The following MBD6 variants were observed in gnomAD, a reference collection of about 807,000 sequenced individuals.
MBD6 encodes methyl-CpG binding domain protein 6, also known as methyl-CpG-binding domain protein 6.
In MBD6, 22 loss-of-function variants were observed where a neutral mutation model predicts 66.8. That is an observed-to-expected ratio of 0.33 (90% CI 0.24 to 0.47). The LOEUF (loss-of-function observed/expected upper bound fraction) is 0.47. MBD6 is among the 20% of genes least tolerant of loss of function. MBD6 has a pLI of 1.00. For synonymous variants in MBD6, 540 were observed against 534.6 expected (o/e 1.01, Z -0.14); for missense variants, 1,322 against 1,286.9 (o/e 1.03, Z -0.42).
intron 8 of MBD6, 59 bp downstream of exon 8, chr12:57,527,719 GGGA>G (rs1879119251): frequency 5.1e-6 from 8 of 1,556,168 alleles, no homozygotes; most frequent in South Asian, 1.2e-5. Context: ...AGTAAAACTT[GGGA>G]GTAGTGGCTG....
rs1879401821 is a variant in MBD6 at position 57,529,440 on chromosome 12, C to G, written c.*206C>G. On this transcript the variant is annotated 3_prime_UTR_variant, in exon 13 of 13. Transcript: ENST00000355673. ...TTCACCCCCCCCCACCACCCCCCCG[C>G]CCCCCCGAAGCCATGTCACTGAAAA... The G allele has an allele frequency of 5.4e-6, 3 of 554,666 alleles. No homozygotes were observed. In the Admixed American group the frequency reaches 9.3e-5, roughly 17 times the overall value. 34.4% of individuals were successfully genotyped at this position (554,666 alleles called of 1,614,324 possible).
chr12:57,522,666 G>A (rs1218557861), upstream of MBD6: 5 of 152,058 alleles, frequency 3.3e-5, no homozygotes, highest in East Asian at 7.8e-4. Context: ...CAGTTGGCTC[G>A]TCGCTGTCCG....
downstream of MBD6, among the ~76,000 whole-genome samples, chr12:57,531,445 A>G (rs142468486): frequency 6.6e-6 from 1 of 152,174 alleles, no homozygotes; most frequent in Non-Finnish European, 1.5e-5. Context: ...TGAGCCCGGG[A>G]GGTGGAGGCT....
chr12:57,528,156 G>A lies in MBD6; in HGVS notation c.2416G>A (p.Glu806Lys). 6.2e-7 allele frequency: 1 copy of A among 1,603,714 alleles called. No individual in the cohort carries two copies. Among genetic ancestry groups the A allele is most frequent in the Non-Finnish European group, 8.5e-7 (1 of 1,176,590 alleles). ...ATTTTTTTGCCAGCAGATCCCTCCA[G>A]AGCAGCCAGAAGCCCCCTGTCTACC... is the stretch of plus-strand genomic sequence containing the variant. ...CLLQSLQIPP[E>K]QPEAPCLPPE... is the part of the protein sequence containing the mutation. The change falls in exon 10 of 13, where the codon GAG (glutamate) becomes AAG (lysine). Residue 806 changes from glutamate to lysine, a missense_variant. Glu to Lys is a moderately conservative substitution (Grantham distance 56). Coordinates refer to ENST00000355673, the MANE Select transcript of MBD6 (RefSeq NM_052897.4).
Position 57,528,738 on chromosome 12 carries a change from T to C in MBD6, c.2873+20T>C, listed in dbSNP as rs1426865372. 3 of 1,614,138 alleles carry C rather than the reference T, an allele frequency of 1.9e-6. No homozygotes were observed. ...ATACAAGTGAGTGTTGGGCCTACTA[T>C]AGTGCTGGCCTTTGCCTACTTCTTT... On this transcript the variant is annotated intron_variant, in intron 11 of 12. Coordinates refer to ENST00000355673, the MANE Select transcript of MBD6 (RefSeq NM_052897.4).
chr12:57,526,142 C>G lies in MBD6; in HGVS notation c.1174C>G (p.Pro392Ala). Residue 392 changes from proline (P) to alanine (A), a missense_variant, in exon 6 of 13, where the codon CCT becomes GCT. Pro to Ala is a conservative substitution (Grantham distance 27). Coordinates refer to ENST00000355673, the MANE Select transcript of MBD6 (RefSeq NM_052897.4). ...CCCTAGACGGAGCCGTCCTCGGGCC[C>G]CTGCTCCTGTCCCCCAACCCTTTTC... ...QTPRRSRPRA[P>A]APVPQPFSLP... 11 of 1,614,194 alleles carry G rather than the reference C, an allele frequency of 6.8e-6. No individual in the cohort carries two copies. Among genetic ancestry groups the G allele is most frequent in the Non-Finnish European group, 9.3e-6 (11 of 1,180,024 alleles).
intron 11 of MBD6, 105 bp from the exon 12 acceptor site, chr12:57,528,841 A>T: frequency 6.2e-7 from 1 of 1,600,138 alleles, no homozygotes; most frequent in Non-Finnish European, 8.5e-7. Flanking sequence ...ATGAATAAGG[A>T]TATTATGCCT....
chr12:57,526,069 C>T lies in MBD6; in HGVS notation c.1101C>T (p.Arg367=), dbSNP rs778239153. 6.2e-7 allele frequency: 1 copy of T among 1,614,012 alleles called. No homozygotes were observed. The highest frequency in any genetic ancestry group is 2.2e-5 in the East Asian group (1 of 44,862). ...TTCGTCCCTCTCAGCGTCGTCCCCG[C>T]AGACCCCCTACTGTATTTCGATTGC... ...SSLRPSQRRP[R]RPPTVFRLLE... Residue 367 remains arginine, a synonymous_variant, in exon 6 of 13, where the codon CGC becomes CGT. Coordinates refer to ENST00000355673, the MANE Select transcript of MBD6 (RefSeq NM_052897.4).
intron 5 of MBD6, 75 bp downstream of exon 5, chr12:57,525,190 T>C: frequency 1.3e-6 from 2 of 1,550,868 alleles, no homozygotes; most frequent in Non-Finnish European, 1.7e-6. Flanking sequence ...GAGGAGTTCC[T>C]TGAGAGGGAG....
downstream of MBD6, among the ~76,000 whole-genome samples, chr12:57,531,154 G>A (rs1213354165): frequency 6.6e-6 from 1 of 152,156 alleles, no homozygotes; most frequent in Non-Finnish European, 1.5e-5. Context: ...ATTTATCTCA[G>A]TGATCCTGTG....
At position 57,526,211 on chromosome 12, in the gene MBD6, C is replaced by G. The variant is rs1349977111; in HGVS notation, c.1243C>G (p.Leu415Val). ...SQPILPSVLS[L>V]LGLPTPGPSH... is the part of the protein sequence containing the mutation. ...ACCAATTCTCCCTTCTGTGCTGTCC[C>G]TGCTGGGACTCCCCACCCCTGGCCC... is the stretch of plus-strand genomic sequence containing the variant. Residue 415 changes from leucine to valine, a missense_variant, in exon 6 of 13, where the codon CTG (leucine) becomes GTG (valine). By Grantham distance (32) the Leu-to-Val change is conservative. Transcript: ENST00000355673. 6.2e-7 allele frequency: 1 copy of G among 1,614,100 alleles called. No homozygotes were observed. Among genetic ancestry groups the G allele is most frequent in the East Asian group, 2.2e-5 (1 of 44,856 alleles).
rs1879020705 is a variant in MBD6 at position 57,526,936 on chromosome 12, T to A, written c.1791T>A (p.Leu597=). 1.2e-6 allele frequency: 2 copies of A among 1,613,572 alleles called. No individual in the cohort carries two copies. Among genetic ancestry groups the A allele is most frequent in the Non-Finnish European group, 1.7e-6 (2 of 1,179,924 alleles). ...CAGGAGAGCCTGAAGGGCCTTCGCT[T>A]TTGGTGGCTTCCTTGCTTCCTCCAC... The part of the protein sequence containing the change: ...LAPGEPEGPS[L]LVASLLPPPP... Residue 597 remains leucine (L), a synonymous_variant, in exon 7 of 13, where the codon CTT becomes CTA. Coordinates refer to ENST00000355673, the MANE Select transcript of MBD6 (RefSeq NM_052897.4).
In MBD6 at chr12:57,527,967, C is replaced by A; in HGVS notation, c.2356C>A (p.Pro786Thr). 1 of 1,583,936 alleles carries A rather than the reference C, an allele frequency of 6.3e-7. No homozygotes were observed. The highest frequency in any genetic ancestry group is 8.6e-7 in the Non-Finnish European group (1 of 1,168,002). ...CCTCCCTGGGGGGGGAGCTCCTCCACCCCTCTCAGAGGCTTCTAGTCCCCT... is the reference window on the plus strand; with the variant it reads ...CCTCCCTGGGGGGGGAGCTCCTCCAACCCTCTCAGAGGCTTCTAGTCCCCT... Reference protein sequence around the residue: ...QLLPGGGAPPPLSEASSPLAC... With the variant: ...QLLPGGGAPPTLSEASSPLAC... The change falls in exon 9 of 13, where the codon CCC (proline) becomes ACC (threonine). Residue 786 changes from proline to threonine, a missense_variant. By Grantham distance (38) the Pro-to-Thr change is conservative. Transcript: ENST00000355673.
intron 10 of MBD6, 21 bp downstream of exon 10, chr12:57,528,581 G>A: frequency 3.1e-6 from 5 of 1,611,588 alleles, no homozygotes; most frequent in Non-Finnish European, 4.2e-6. Flanking sequence ...AGTGCTGGTA[G>A]TCTGGGCTCA....
At chr12:57,530,555 C>A, downstream of MBD6, 1 of 766,908 alleles carries the variant, frequency 1.3e-6, no homozygotes, top group African/African-American at 1.7e-5. Context: ...ACCCCACATG[C>A]AAGAAGAACC....
Position 57,524,982 on chromosome 12 carries a change from G to A in MBD6, c.246G>A (p.Val82=), listed in dbSNP as rs145847723. 4.8e-5 allele frequency: 77 copies of A among 1,605,260 alleles called. No homozygotes were observed. Among genetic ancestry groups the A allele is most frequent in the Non-Finnish European group, 6.5e-5 (76 of 1,174,702 alleles). Reference sequence around the variant, plus strand: ...TCAACTTTGACCCTTTGGCCCCGGTGACCCCGGGTGGGGCTGGGGTGGGGC... The same window carrying A: ...TCAACTTTGACCCTTTGGCCCCGGTAACCCCGGGTGGGGCTGGGGTGGGGC... The part of the protein sequence containing the change: ...KVFNFDPLAP[V]TPGGAGVGPA... The change falls in exon 5 of 13, where the codon GTG becomes GTA. Residue 82 remains valine, a synonymous_variant. Transcript: ENST00000355673.
intron 3 of MBD6, 60 bp downstream of exon 3, chr12:57,524,476 C>T (rs1355951767): frequency 2.8e-5 from 40 of 1,414,664 alleles, no homozygotes; most frequent in Non-Finnish European, 3.6e-5. Context: ...TTTCTTTCTT[C>T]CGTTTCTTCT....
rs780686983 is a variant in MBD6 at position 57,526,155 on chromosome 12, C to G, written c.1187C>G (p.Pro396Arg). The change falls in exon 6 of 13, where the codon CCC becomes CGC. Residue 396 changes from proline to arginine, a missense_variant. Coordinates refer to ENST00000355673, the MANE Select transcript of MBD6 (RefSeq NM_052897.4). The stretch of plus-strand genomic sequence containing the variant: ...CGTCCTCGGGCCCCTGCTCCTGTCC[C>G]CCAACCCTTTTCTCTCCCGGAGCCA... ...RSRPRAPAPV[P>R]QPFSLPEPSQ... 5.0e-6 allele frequency: 8 copies of G among 1,614,172 alleles called. No homozygotes were observed. Among genetic ancestry groups the G allele is most frequent in the Middle Eastern group, 1.6e-4 (1 of 6,062 alleles).
intron 11 of MBD6, 111 bp from the exon 12 acceptor site, chr12:57,528,835 A>T: frequency 1.3e-6 from 2 of 1,597,838 alleles, no homozygotes; most frequent in Non-Finnish European, 1.7e-6. Context: ...TTGAATATGA[A>T]TAAGGATATT....
Sources: gnomAD v4.1 joint callset for allele counts (sites outside exome capture counted in the v4.1 genomes callset) on GRCh38, gnomAD v4.1.1 for gene constraint, MANE v1.5 for transcripts, NCBI Gene and HGNC (gene_info 2026-07-23, HGNC 2026-07-21) for gene names.